SYNPR: variants seen among roughly 807,000 people sequenced by gnomAD.
The protein encoded by SYNPR is synaptoporin.
In SYNPR, 23 loss-of-function variants were observed where a neutral mutation model predicts 32.9. The observed-to-expected ratio is 0.70, with a 90% CI of 0.50 to 0.99. The LOEUF (loss-of-function observed/expected upper bound fraction) is 0.99. Among genes scored for constraint, SYNPR ranks in the 50% least tolerant of loss-of-function variants. The pLI, the probability that SYNPR is intolerant of heterozygous loss-of-function variation, is 0.00. For missense variants in SYNPR, 318 were observed against 349.3 expected (o/e 0.91, Z 0.71); for synonymous variants, 146 against 135.9 (o/e 1.07, Z -0.52).
At chr3:63,277,541 T>C (rs536864511), upstream of SYNPR, among the ~76,000 whole-genome samples, 1 of 152,336 alleles carries the variant, frequency 6.6e-6, no homozygotes, top group East Asian at 1.9e-4. Flanking sequence ...AAAATGAGTT[T>C]GAAAGGTACC....
At chr3:63,600,776 T>C (rs1700029059) in intron 4 of SYNPR, among the ~76,000 whole-genome samples, 2 of 152,216 alleles carry the variant, frequency 1.3e-5, no homozygotes, top group South Asian at 2.1e-4. Flanking sequence ...TGTAAGTTTC[T>C]TGAGGCCTCC....
chr3:63,226,585 T>C (rs923284131), upstream of SYNPR, among the ~76,000 whole-genome samples: 2 of 152,116 alleles, frequency 1.3e-5, no homozygotes, highest in African/African-American at 2.4e-5. Context: ...TTATATTAAG[T>C]GAGACAAGCT....
intron 4 of SYNPR, among the ~76,000 whole-genome samples, chr3:63,559,775 C>G (rs1445807911): frequency 6.6e-6 from 1 of 151,642 alleles, no homozygotes; most frequent in African/African-American, 2.4e-5. Flanking sequence ...ACAGAGTCAC[C>G]AAACTTGGGC....
chr3:63,407,854 T>C (rs1366637168), intron 2 of SYNPR, among the ~76,000 whole-genome samples: 1 of 152,046 alleles, frequency 6.6e-6, no homozygotes, highest in East Asian at 1.9e-4. Context: ...ACTACCATGC[T>C]GATATCAACT....
At chr3:63,377,782 C>A (rs577072493) in intron 2 of SYNPR, among the ~76,000 whole-genome samples, 1 of 151,708 alleles carries the variant, frequency 6.6e-6, no homozygotes, top group Admixed American at 6.6e-5. Context: ...CCTCTTACTG[C>A]CAAGTTGAAT....
chr3:63,259,811 A>T (rs975625059), intron 2 of SYNPR, among the ~76,000 whole-genome samples: 1 of 152,180 alleles, frequency 6.6e-6, no homozygotes, highest in East Asian at 1.9e-4. Context: ...ACATGATTGT[A>T]TATCTAGAAA....
upstream of SYNPR, among the ~76,000 whole-genome samples, chr3:63,276,586 GTA>G (rs2086575527): frequency 2.6e-5 from 4 of 151,950 alleles, no homozygotes; most frequent in African/African-American, 9.7e-5. Flanking sequence ...TACATACATG[GTA>G]GGGTACACAC....
In SYNPR at chr3:63,403,441, T is replaced by TACACATAC. The variant is rs147870795; in HGVS notation, c.85-77386_85-77385insTACACACA. On this transcript the variant is annotated intron_variant, in intron 2 of 5. Transcript: ENST00000478300. ...ACATTCTCATACGTATGTATACACA[T>TACACATAC]ACACACACACACACACACACACACA... is the stretch of plus-strand genomic sequence containing the variant. 5.7e-3 allele frequency among the ~76,000 whole-genome samples: 830 copies of TACACATAC among 146,010 alleles called. 14 individuals carry two copies. Among genetic ancestry groups the TACACATAC allele is most frequent in the East Asian group, 0.041 (203 of 4,932 alleles).
rs10663212 is a variant in SYNPR, at chr3:63,468,491, G to GCACACACACACACA, written c.85-12330_85-12317dup. On this transcript the variant is annotated intron_variant, in intron 2 of 5. Coordinates refer to ENST00000478300, the MANE Select transcript of SYNPR (RefSeq NM_001130003.2). ...GGATTCTATTTAATATACCTGCAAA[G>GCACACACACACACA]CACACACACACACACACACACACAA... is the stretch of plus-strand genomic sequence containing the variant. Among the ~76,000 whole-genome samples the GCACACACACACACA allele has an allele frequency of 9.2e-3, 1,364 of 148,628 alleles. 19 individuals are homozygous for GCACACACACACACA. The highest frequency in any genetic ancestry group is 0.032 in the African/African-American group (1,267 of 40,108).
chr3:63,253,934 T>G (rs933028318), intron 2 of SYNPR, among the ~76,000 whole-genome samples: 1 of 152,144 alleles, frequency 6.6e-6, no homozygotes, highest in Non-Finnish European at 1.5e-5. Flanking sequence ...CCAACAATGA[T>G]AGACTGGATT....
At chr3:63,303,220 CCTTAT>C (rs142459742) in intron 2 of SYNPR, among the ~76,000 whole-genome samples, 5,859 of 151,656 alleles carry the variant, frequency 0.039, 334 homozygotes, top group African/African-American at 0.13. Context: ...TCTTATGTGA[CCTTAT>C]CACTTCTAAA....
At chr3:63,405,343 C>T (rs1286043816) in intron 2 of SYNPR, among the ~76,000 whole-genome samples, 5 of 152,134 alleles carry the variant, frequency 3.3e-5, no homozygotes, top group Non-Finnish European at 7.3e-5. Context: ...GAAACCTTCT[C>T]CAAAGAAATG....
intron 2 of SYNPR, among the ~76,000 whole-genome samples, chr3:63,262,351 G>C (rs1238655538): frequency 6.6e-6 from 1 of 152,190 alleles, no homozygotes; most frequent in Non-Finnish European, 1.5e-5. Context: ...TTTCTTGAGA[G>C]ACAAAAAGAA....
chr3:63,477,081 ACCCCAGAACTGCTCTGCTC>A (rs1700942225), intron 2 of SYNPR, among the ~76,000 whole-genome samples: 1 of 152,064 alleles, frequency 6.6e-6, no homozygotes, highest in South Asian at 2.1e-4. Context: ...GGTCTGCCTC[ACCCCAGAACTGCTCTGCTC>A]CCCCATGTAA....
At chr3:63,610,447 C>A in intron 5 of SYNPR, 1 of 687,800 alleles carries the variant, frequency 1.5e-6, no homozygotes, top group Non-Finnish European at 2.7e-6. Context: ...ATTATCTTTG[C>A]TTCAAGATTA....
intron 2 of SYNPR, among the ~76,000 whole-genome samples, chr3:63,342,360 G>C (rs906728905): frequency 6.6e-6 from 1 of 151,988 alleles, no homozygotes; most frequent in African/African-American, 2.4e-5. Context: ...ATTTTCTCTG[G>C]ACCAATTGAT....
chr3:63,250,564 TG>T (rs2086323615), intron 1 of SYNPR, among the ~76,000 whole-genome samples: 1 of 152,190 alleles, frequency 6.6e-6, no homozygotes, highest in Non-Finnish European at 1.5e-5. Flanking sequence ...TAAGGTGACA[TG>T]GTCAACATGT....
At chr3:63,281,560 C>G (rs548793434) in intron 2 of SYNPR, among the ~76,000 whole-genome samples, 1 of 152,222 alleles carries the variant, frequency 6.6e-6, no homozygotes, top group East Asian at 1.9e-4. Context: ...ACAGATGGAG[C>G]CTTCTTGCTG....
chr3:63,289,102 T>C (rs529309838), intron 2 of SYNPR, among the ~76,000 whole-genome samples: 1 of 151,944 alleles, frequency 6.6e-6, no homozygotes, highest in African/African-American at 2.4e-5. Flanking sequence ...GTCTGGTCTA[T>C]ACCAAGATTC....
Sources: gnomAD v4.1 joint callset for allele counts (sites outside exome capture counted in the v4.1 genomes callset) on GRCh38, gnomAD v4.1.1 for gene constraint, MANE v1.5 for transcripts, NCBI Gene and HGNC (gene_info 2026-07-23, HGNC 2026-07-21) for gene names.